Variants in TRAPPC13 observed in about 807,000 individuals in gnomAD.
TRAPPC13 encodes trafficking protein particle complex subunit 13, also known as REV7-interacting novel NHEJ regulator 1.
In TRAPPC13, 39 loss-of-function variants were observed where a neutral mutation model predicts 54.0. The ratio of observed to expected loss-of-function variants is 0.72; its 90% CI spans 0.56 to 0.94. The LOEUF (loss-of-function observed/expected upper bound fraction) is 0.94, where lower values mean the gene tolerates loss of function less well. TRAPPC13 is among the 40% of genes least tolerant of loss of function. TRAPPC13 has a pLI of 0.00. For synonymous variants in TRAPPC13, 148 were observed against 167.7 expected (o/e 0.88, Z 0.91); for missense variants, 386 against 488.1 (o/e 0.79, Z 1.97).
rs1756870300 is a variant in TRAPPC13, at chr5:65,662,129, C to G, written c.977C>G (p.Thr326Ser). Residue 326 changes from threonine to serine, a missense_variant, in exon 11 of 13, where the codon ACC becomes AGC. Transcript: ENST00000399438. Reference sequence around the variant, plus strand: ...AACCTTGAAGAACCTTTTCATATTACCTGTAAAATAACAAACTGCAGGTAA... The same window carrying G: ...AACCTTGAAGAACCTTTTCATATTAGCTGTAAAATAACAAACTGCAGGTAA... ...TVNLEEPFHI[T>S]CKITNCSERT... The G allele has an allele frequency of 6.2e-7, 1 of 1,605,952 alleles. No individual in the cohort carries two copies. Among genetic ancestry groups the G allele is most frequent in the Non-Finnish European group, 8.5e-7 (1 of 1,176,458 alleles).
chr5:65,635,245 A>G, intron 1 of TRAPPC13, 56 bp from the exon 2 acceptor site: 2 of 1,447,506 alleles, frequency 1.4e-6, no homozygotes, highest in South Asian at 1.2e-5. Context: ...AGACTTGAGA[A>G]TATTAACCCT....
chr5:65,651,926 C>T (rs1221350303), intron 6 of TRAPPC13, among the ~76,000 whole-genome samples: 1 of 128,248 alleles, frequency 7.8e-6, no homozygotes, highest in Non-Finnish European at 1.6e-5. Context: ...TGCAATGACG[C>T]GATCTCAGCT....
intron 1 of TRAPPC13, among the ~76,000 whole-genome samples, chr5:65,633,303 C>T (rs1439436463): frequency 2.0e-5 from 3 of 150,578 alleles, no homozygotes; most frequent in Admixed American, 6.6e-5. Flanking sequence ...TTTTTTGAGG[C>T]GGGGTCTTGC....
In TRAPPC13 at chr5:65,662,039, T is replaced by C. The variant is rs1055540005; in HGVS notation, c.898-11T>C. ...ATAGATATACATTAACTGTGTTGCT[T>C]GTTTTCTTAGGCTCCAGGTTATGGA... On this transcript the variant is annotated splice_polypyrimidine_tract_variant and intron_variant, in intron 10 of 12. Coordinates refer to ENST00000399438, the MANE Select transcript of TRAPPC13 (RefSeq NM_024941.4). 1.9e-6 allele frequency: 3 copies of C among 1,589,778 alleles called. No homozygotes were observed. Among genetic ancestry groups the C allele is most frequent in the Non-Finnish European group, 2.6e-6 (3 of 1,169,704 alleles).
intron 4 of TRAPPC13, among the ~76,000 whole-genome samples, chr5:65,646,453 T>G (rs985826946): frequency 1.3e-5 from 2 of 152,184 alleles, no homozygotes; most frequent in African/African-American, 2.4e-5. Flanking sequence ...GAATATATAT[T>G]TAAAAACCAT....
chr5:65,641,585 C>T (rs1185525114), intron 4 of TRAPPC13, among the ~76,000 whole-genome samples: 1 of 152,018 alleles, frequency 6.6e-6, no homozygotes, highest in East Asian at 1.9e-4. Flanking sequence ...GTGGCGCATA[C>T]TTGTAGTCCT....
At chr5:65,647,308 G>A (rs1756252089) in intron 5 of TRAPPC13, 126 bp downstream of exon 5, 2 of 739,746 alleles carry the variant, frequency 2.7e-6, no homozygotes, top group African/African-American at 1.8e-5. Context: ...TATGTTCTAT[G>A]TTGGCATGTT....
chr5:65,637,632 A>G, intron 3 of TRAPPC13, 64 bp from the exon 4 acceptor site: 1 of 605,748 alleles, frequency 1.7e-6, no homozygotes, highest in South Asian at 2.9e-5. Context: ...CTCTGTCTCA[A>G]AAAAAAAAAA....
chr5:65,660,543 G>A (rs1756812427), intron 9 of TRAPPC13, among the ~76,000 whole-genome samples, 156 bp from the exon 10 acceptor site: 3 of 151,898 alleles, frequency 2.0e-5, no homozygotes, highest in Admixed American at 6.6e-5. Flanking sequence ...TGCAGTATAC[G>A]TTCTTTTTAT....
At chr5:65,637,129 A>G (rs971982285) in intron 3 of TRAPPC13, among the ~76,000 whole-genome samples, 3 of 152,234 alleles carry the variant, frequency 2.0e-5, no homozygotes, top group African/African-American at 7.2e-5. Context: ...AATGAGTCTT[A>G]TCTCTAGTGA....
chr5:65,632,351 C>G (rs468876), intron 1 of TRAPPC13, among the ~76,000 whole-genome samples: 3 of 152,222 alleles, frequency 2.0e-5, no homozygotes, highest in Non-Finnish European at 2.9e-5. Flanking sequence ...GCACCTTTTT[C>G]TCTGTTTTCG....
intron 11 of TRAPPC13, chr5:65,662,809 T>A (rs1423772266): frequency 1.3e-5 from 2 of 152,182 alleles, no homozygotes; most frequent in Non-Finnish European, 2.9e-5. Flanking sequence ...TTATTCTTTT[T>A]GGTATTAGAA....
At chr5:65,650,006 G>A (rs1350383785) in intron 5 of TRAPPC13, among the ~76,000 whole-genome samples, 2 of 150,094 alleles carry the variant, frequency 1.3e-5, no homozygotes, top group Admixed American at 1.3e-4. Flanking sequence ...ACAGGTGCCC[G>A]CCACCATGCC....
chr5:65,631,233 T>A (rs1198824881), intron 1 of TRAPPC13, among the ~76,000 whole-genome samples: 8 of 152,158 alleles, frequency 5.3e-5, no homozygotes, highest in Admixed American at 5.2e-4. Context: ...TAACTAGGAA[T>A]ATAGACATGT....
At chr5:65,651,762 T>C (rs962310982) in intron 6 of TRAPPC13, among the ~76,000 whole-genome samples, 25 of 149,874 alleles carry the variant, frequency 1.7e-4, no homozygotes, top group African/African-American at 6.1e-4. Flanking sequence ...AAAATACTAT[T>C]CATAGGGAAA....
chr5:65,650,777 A>T (rs1756399336), intron 5 of TRAPPC13, 33 bp from the exon 6 acceptor site: 1 of 1,559,330 alleles, frequency 6.4e-7, no homozygotes. Flanking sequence ...ATTAAAAATG[A>T]CTCAGAATCG....
intron 5 of TRAPPC13, among the ~76,000 whole-genome samples, chr5:65,650,403 C>A (rs1039470267): frequency 4.6e-5 from 7 of 152,032 alleles, no homozygotes; most frequent in Admixed American, 4.6e-4. Flanking sequence ...CTCAAGTGAT[C>A]CGCCCGCCTT....
intron 1 of TRAPPC13, among the ~76,000 whole-genome samples, chr5:65,626,510 G>T (rs1205586458): frequency 3.9e-5 from 6 of 152,000 alleles, no homozygotes; most frequent in Non-Finnish European, 8.8e-5. Flanking sequence ...AGGCCAAGGC[G>T]GGTGATCACA....
chr5:65,664,498 CAATAGAGCA>C lies in TRAPPC13; in HGVS notation c.1147-5_1150del, dbSNP rs750031176. The C allele has an allele frequency of 1.2e-6, 2 of 1,606,362 alleles. No homozygotes were observed. The highest frequency in any genetic ancestry group is 1.1e-5 in the South Asian group (1 of 89,968). ...AACTTAGACTCATCTCTCTCTCTCT[CAATAGAGCA>C]TCTCTGGCTTAAGACTAACAGACAC... On this transcript the variant is annotated splice_acceptor_variant and splice_polypyrimidine_tract_variant and coding_sequence_variant and intron_variant, in exon 13 of 13. Coordinates refer to ENST00000399438, the MANE Select transcript of TRAPPC13 (RefSeq NM_024941.4). LOFTEE classifies it high-confidence loss of function.
Sources: allele counts gnomAD v4.1 joint callset (sites outside exome capture counted in the v4.1 genomes callset), GRCh38; gene constraint gnomAD v4.1.1; transcripts MANE v1.5; gene names NCBI Gene and HGNC (gene_info 2026-07-23, HGNC 2026-07-21).